Variants in UST observed in about 807,000 individuals in gnomAD.
UST encodes the protein uronyl 2-sulfotransferase.
Under a neutral mutation model 45.6 loss-of-function variants are expected in UST, and 21 were observed. The observed-to-expected ratio is 0.46, with a 90% CI of 0.33 to 0.66. UST has a LOEUF of 0.66. UST is among the 30% of genes least tolerant of loss of function. The pLI is 0.02. For synonymous variants in UST, 215 were observed against 200.6 expected (o/e 1.07, Z -0.61); for missense variants, 463 against 512.4 (o/e 0.90, Z 0.93).
chr6:148,785,103 A>G, intron 1 of UST, among the ~76,000 whole-genome samples: 1 of 151,808 alleles, frequency 6.6e-6, no homozygotes, highest in Non-Finnish European at 1.5e-5. Flanking sequence ...AGGGAGGTTG[A>G]GGCAGGAGAA....
At chr6:148,939,260 T>A (rs1163757088) in intron 2 of UST, among the ~76,000 whole-genome samples, 1 of 152,154 alleles carries the variant, frequency 6.6e-6, no homozygotes, top group East Asian at 1.9e-4. Flanking sequence ...ATTGTTAAGG[T>A]GGCTGTCGTA....
intron 5 of UST, among the ~76,000 whole-genome samples, chr6:149,017,967 C>G (rs767696996): frequency 4.6e-5 from 7 of 152,106 alleles, no homozygotes; most frequent in African/African-American, 7.2e-5. Flanking sequence ...TATGCACCCC[C>G]CTATTCACTT....
intron 2 of UST, among the ~76,000 whole-genome samples, chr6:148,895,813 T>G (rs1425049160): frequency 1.3e-5 from 2 of 152,226 alleles, no homozygotes; most frequent in African/African-American, 4.8e-5. Context: ...CAAACCTCTT[T>G]CTTTTGTAAA....
chr6:148,894,826 T>TTTC (rs72070125), intron 2 of UST, among the ~76,000 whole-genome samples: 37,551 of 138,266 alleles, frequency 0.27, 5,482 homozygotes, highest in East Asian at 0.37. Flanking sequence ...TTTTTTTTTT[T>TTTC]TTTTTTTTTT....
intron 7 of UST, among the ~76,000 whole-genome samples, chr6:149,057,208 C>T (rs1489697749): frequency 2.6e-5 from 4 of 152,156 alleles, no homozygotes; most frequent in East Asian, 1.9e-4. Flanking sequence ...ATTTCGTCTC[C>T]GTGATTGTAG....
At chr6:148,949,716 A>G (rs1445231565) in intron 3 of UST, among the ~76,000 whole-genome samples, 1 of 152,182 alleles carries the variant, frequency 6.6e-6, no homozygotes, top group Non-Finnish European at 1.5e-5. Flanking sequence ...TTTCATAAAT[A>G]TTTGTGGGGT....
chr6:148,989,988 C>A (rs1781316614), intron 5 of UST, among the ~76,000 whole-genome samples: 2 of 152,130 alleles, frequency 1.3e-5, no homozygotes, highest in South Asian at 4.1e-4. Context: ...GTGGAGGAAT[C>A]TCACATTTAA....
At chr6:149,056,117 CTTTTTTTTTTTTTTTTT>C (rs34191810) in intron 7 of UST, among the ~76,000 whole-genome samples, 30 of 81,066 alleles carry the variant, frequency 3.7e-4, no homozygotes, top group Non-Finnish European at 5.6e-4. Flanking sequence ...CTTTTCTTTT[CTTTTTTTTTTTTTTTTT>C]TTTTTTTTTG....
At position 149,017,804 on chromosome 6, in the gene UST, AC is replaced by A. The variant is rs1775926393; in HGVS notation, c.682-1334del. On this transcript the variant is annotated intron_variant, in intron 5 of 7. Coordinates refer to ENST00000367463, the MANE Select transcript of UST (RefSeq NM_005715.3). ...CAGCAATGAATATCCATATATACAC[AC>A]ACACACACACACACACACACACACA... 2.1e-4 allele frequency among the ~76,000 whole-genome samples: 9 copies of A among 43,668 alleles called. No individual in the cohort carries two copies. The Admixed American group carries it at 3.2e-3, about 15-fold the overall frequency. The allele number at this position is 43,668 out of a possible 152,430, so 28.6% of individuals were successfully genotyped here. A position where few individuals can be genotyped will look rare whatever the true frequency, so the allele number is the denominator to read the frequency against.
intron 1 of UST, among the ~76,000 whole-genome samples, chr6:148,828,811 T>A (rs1777624962): frequency 1.3e-5 from 2 of 152,254 alleles, no homozygotes; most frequent in African/African-American, 4.8e-5. Context: ...TCTTAATGAA[T>A]CATTAAATTA....
intron 1 of UST, among the ~76,000 whole-genome samples, chr6:148,794,273 A>G (rs1162608438): frequency 6.6e-6 from 1 of 152,222 alleles, no homozygotes; most frequent in Non-Finnish European, 1.5e-5. Context: ...ATGGCTCAAG[A>G]TGAACCTTCT....
chr6:148,850,125 TAG>T (rs1266739407), intron 1 of UST, among the ~76,000 whole-genome samples: 2 of 152,216 alleles, frequency 1.3e-5, no homozygotes, highest in African/African-American at 4.8e-5. Flanking sequence ...TCTATGAGTG[TAG>T]TGTTTTCACT....
intron 1 of UST, among the ~76,000 whole-genome samples, chr6:148,758,151 A>G (rs553255557): frequency 3.3e-5 from 5 of 152,332 alleles, no homozygotes; most frequent in Admixed American, 2.6e-4. Flanking sequence ...GGGAGTATAC[A>G]GATTCACTGA....
chr6:149,057,079 A>G (rs1323454944), intron 7 of UST, among the ~76,000 whole-genome samples: 3 of 152,250 alleles, frequency 2.0e-5, no homozygotes, highest in African/African-American at 7.2e-5. Context: ...CTTAAAACAA[A>G]AAATGCAATA....
chr6:148,837,198 T>C (rs1777802434), intron 1 of UST, among the ~76,000 whole-genome samples: 1 of 152,196 alleles, frequency 6.6e-6, no homozygotes, highest in Admixed American at 6.5e-5. Flanking sequence ...TTTTGGACCA[T>C]TGAAGACAGG....
chr6:149,030,445 C>T (rs1031218670), intron 7 of UST, among the ~76,000 whole-genome samples: 1 of 149,364 alleles, frequency 6.7e-6, no homozygotes, highest in African/African-American at 2.5e-5. Context: ...AATTCAAGAC[C>T]AGCCTGAGCA....
chr6:149,007,567 C>T (rs548575723), intron 5 of UST, among the ~76,000 whole-genome samples: 97 of 150,868 alleles, frequency 6.4e-4, no homozygotes, highest in Middle Eastern at 6.9e-3. Context: ...GGATTACAGG[C>T]GTGAGCCACC....
intron 1 of UST, among the ~76,000 whole-genome samples, chr6:148,821,792 C>A (rs555792436): frequency 3.4e-4 from 52 of 152,228 alleles, no homozygotes; most frequent in African/African-American, 1.2e-3. Context: ...TTTTTCTCCC[C>A]CGTTTACTTA....
intron 1 of UST, among the ~76,000 whole-genome samples, chr6:148,801,295 G>T (rs1777054354): frequency 1.3e-5 from 2 of 152,022 alleles, no homozygotes; most frequent in Admixed American, 1.3e-4. Context: ...ATTTCATGGG[G>T]TCTTGTTAAG....
Sources: allele counts gnomAD v4.1 joint callset (sites outside exome capture counted in the v4.1 genomes callset), GRCh38; gene constraint gnomAD v4.1.1; transcripts MANE v1.5; gene names NCBI Gene and HGNC (gene_info 2026-07-23, HGNC 2026-07-21).